The following CDH18 variants were observed in gnomAD, a reference collection of about 807,000 sequenced individuals.
The protein encoded by CDH18 is cadherin 18.
A neutral mutation model predicts 67.9 loss-of-function variants in CDH18; 31 were observed. That is an observed-to-expected ratio of 0.46 (90% CI 0.34 to 0.62). The LOEUF (loss-of-function observed/expected upper bound fraction) is 0.62. CDH18 is among the 20% of genes least tolerant of loss of function. The pLI, the probability that CDH18 is intolerant of heterozygous loss-of-function variation, is 0.01. For missense variants in CDH18, 890 were observed against 975.5 expected, an observed-to-expected ratio of 0.91 and a Z score of 1.17; for synonymous variants, 362 against 347.2, an observed-to-expected ratio of 1.04 and a Z score of -0.48.
At chr5:19,989,632 G>A (rs1056697681), upstream of CDH18, among the ~76,000 whole-genome samples, 1 of 152,160 alleles carries the variant, frequency 6.6e-6, no homozygotes, top group Non-Finnish European at 1.5e-5. Flanking sequence ...CTTCTTCCCT[G>A]AGAAAGATCA....
chr5:19,573,648 A>T lies in CDH18; in HGVS notation c.1000-1816T>A, dbSNP rs1741837316. The stretch of plus-strand genomic sequence containing the variant: ...TTTCCTTGAATCCTTCCTCCTTTAC[A>T]TTAACAAGTGAGAATTTGCCTATGA... On this transcript the variant is annotated intron_variant, in intron 7 of 12. Coordinates refer to ENST00000382275, the MANE Select transcript of CDH18 (RefSeq NM_004934.5). 2.0e-5 allele frequency among the ~76,000 whole-genome samples: 3 copies of T among 152,142 alleles called. No individual in the cohort carries two copies. The South Asian group carries it at 6.2e-4, about 31-fold the overall frequency.
At chr5:20,208,259 G>C (rs1911827) in intron 2 of CDH18, among the ~76,000 whole-genome samples, 2 of 152,038 alleles carry the variant, frequency 1.3e-5, no homozygotes, top group East Asian at 1.9e-4. Context: ...TTATAAAACC[G>C]TCAGATCTTG....
chr5:19,603,256 GGCACAGAAAGACAAATAT>G (rs1747451093), intron 6 of CDH18, among the ~76,000 whole-genome samples: 1 of 152,038 alleles, frequency 6.6e-6, no homozygotes, highest in Non-Finnish European at 1.5e-5. Flanking sequence ...AAGTTAGCCA[GGCACAGAAAGACAAATAT>G]TGCATGATTC....
chr5:19,690,967 A>G (rs981041498), intron 5 of CDH18, among the ~76,000 whole-genome samples: 2 of 151,872 alleles, frequency 1.3e-5, no homozygotes, highest in African/African-American at 4.8e-5. Flanking sequence ...AAATGACACA[A>G]TAACAACAAA....
intron 2 of CDH18, among the ~76,000 whole-genome samples, chr5:19,846,212 G>A (rs541021969): frequency 1.1e-4 from 16 of 151,940 alleles, no homozygotes; most frequent in Admixed American, 2.0e-4. Flanking sequence ...GGGACTTACA[G>A]AAACCTTCTT....
chr5:19,931,750 C>T (rs1182653353), intron 2 of CDH18, among the ~76,000 whole-genome samples: 1 of 151,792 alleles, frequency 6.6e-6, no homozygotes, highest in Admixed American at 6.6e-5. Flanking sequence ...ATAAGACTTG[C>T]TCCAAATTTC....
At chr5:19,747,758 GA>G (rs35896977) in intron 3 of CDH18, among the ~76,000 whole-genome samples, 143,416 of 151,206 alleles carry the variant, frequency 0.95, 68,452 homozygotes, top group East Asian at 1. Context: ...TTAATAATTT[GA>G]AAAAAAAATG....
At chr5:19,735,788 T>A (rs1768237947) in intron 4 of CDH18, among the ~76,000 whole-genome samples, 2 of 152,194 alleles carry the variant, frequency 1.3e-5, no homozygotes, top group Admixed American at 1.3e-4. Flanking sequence ...GAAGGCAACC[T>A]GAACATTGTC....
chr5:20,421,492 G>A (rs1747856174), intron 1 of CDH18, among the ~76,000 whole-genome samples: 1 of 150,762 alleles, frequency 6.6e-6, no homozygotes, highest in African/African-American at 2.5e-5. Context: ...GCCCTTTTAC[G>A]AGTAAGTGCT....
At chr5:19,817,424 C>A (rs1203975820) in intron 3 of CDH18, among the ~76,000 whole-genome samples, 1 of 151,854 alleles carries the variant, frequency 6.6e-6, no homozygotes, top group Non-Finnish European at 1.5e-5. Context: ...CAAGGACATT[C>A]ATAACATTAT....
chr5:20,200,209 A>C (rs1194748926), intron 2 of CDH18, among the ~76,000 whole-genome samples: 3 of 152,246 alleles, frequency 2.0e-5, no homozygotes, highest in African/African-American at 7.2e-5. Flanking sequence ...TGATAAGAAT[A>C]AAAGAGATGA....
At chr5:19,547,602 T>C (rs1736562365) in intron 8 of CDH18, among the ~76,000 whole-genome samples, 1 of 152,214 alleles carries the variant, frequency 6.6e-6, no homozygotes, top group African/African-American at 2.4e-5. Context: ...CTAACATAAG[T>C]GCTAATATCA....
At chr5:20,164,168 C>T (rs1306175950) in intron 2 of CDH18, among the ~76,000 whole-genome samples, 3 of 152,200 alleles carry the variant, frequency 2.0e-5, no homozygotes, top group African/African-American at 7.2e-5. Flanking sequence ...CATACAGAAA[C>T]ATTCCAGTGA....
chr5:20,155,537 G>A (rs140136809), intron 2 of CDH18, among the ~76,000 whole-genome samples: 1 of 152,154 alleles, frequency 6.6e-6, no homozygotes, highest in Non-Finnish European at 1.5e-5. Context: ...TGTTTACTGT[G>A]TTGAGTATTT....
chr5:19,556,786 A>G (rs1012908016), intron 8 of CDH18, among the ~76,000 whole-genome samples: 12 of 152,182 alleles, frequency 7.9e-5, no homozygotes, highest in Non-Finnish European at 1.5e-4. Context: ...CACCTGGGAA[A>G]TTAATCACAA....
intron 2 of CDH18, among the ~76,000 whole-genome samples, chr5:19,908,789 C>T (rs1243333357): frequency 6.6e-6 from 1 of 152,148 alleles, no homozygotes; most frequent in African/African-American, 2.4e-5. Flanking sequence ...TATATTTTAT[C>T]AGGCCTGAAT....
chr5:19,599,027 A>T (rs972615343), intron 6 of CDH18, among the ~76,000 whole-genome samples: 2 of 152,122 alleles, frequency 1.3e-5, no homozygotes, highest in Admixed American at 6.5e-5. Flanking sequence ...CACTAAAATA[A>T]TTTTTTTAAA....
chr5:19,524,897 C>T (rs910606110), intron 9 of CDH18, among the ~76,000 whole-genome samples: 1 of 152,140 alleles, frequency 6.6e-6, no homozygotes, highest in Admixed American at 6.5e-5. Flanking sequence ...AGGCGCCCGC[C>T]ACCACGCCCG....
intron 2 of CDH18, among the ~76,000 whole-genome samples, chr5:20,085,156 T>C (rs761571027): frequency 3.3e-5 from 5 of 152,126 alleles, no homozygotes; most frequent in African/African-American, 4.8e-5. Flanking sequence ...TTTGGGTTAC[T>C]TGCTTTGCTG....
Sources: allele counts gnomAD v4.1 joint callset (sites outside exome capture counted in the v4.1 genomes callset), GRCh38; gene constraint gnomAD v4.1.1; transcripts MANE v1.5; gene names NCBI Gene and HGNC (gene_info 2026-07-23, HGNC 2026-07-21).